HTT-AS: variants seen among roughly 807,000 people sequenced by gnomAD.
The protein encoded by HTT-AS is HTT antisense RNA (head to head).
At chr4:3,061,845 G>A (rs1166127011) in intron 2 of HTT-AS, among the ~76,000 whole-genome samples, 1 of 151,660 alleles carries the variant, frequency 6.6e-6, no homozygotes, top group Non-Finnish European at 1.5e-5. Context: ...AGCTGGGTGT[G>A]GTGGCGAGCA....
exon 2 of HTT-AS, among the ~76,000 whole-genome samples, chr4:3,062,857 C>T (rs956574001): frequency 2.0e-5 from 3 of 152,042 alleles, no homozygotes; most frequent in African/African-American, 4.8e-5. Flanking sequence ...AGCAGCATTG[C>T]AAGCCATGGT....
chr4:3,051,143 G>A (rs897470709), intron 2 of HTT-AS, among the ~76,000 whole-genome samples: 2 of 150,468 alleles, frequency 1.3e-5, no homozygotes, highest in African/African-American at 4.9e-5. Context: ...CTCGGCTACC[G>A]CAACCTCTGC....
chr4:3,047,433 A>G (rs1300558669), downstream of HTT-AS, among the ~76,000 whole-genome samples: 1 of 152,254 alleles, frequency 6.6e-6, no homozygotes, highest in African/African-American at 2.4e-5. Flanking sequence ...CTCTATTCCA[A>G]TATTATAATA....
At chr4:3,047,189 T>C (rs1281037201), downstream of HTT-AS, among the ~76,000 whole-genome samples, 2 of 152,084 alleles carry the variant, frequency 1.3e-5, no homozygotes, top group South Asian at 4.1e-4. Context: ...CGTGCACCTG[T>C]AGTCCCAGCT....
At chr4:3,061,390 G>T (rs1487270307) in intron 2 of HTT-AS, among the ~76,000 whole-genome samples, 4 of 152,182 alleles carry the variant, frequency 2.6e-5, no homozygotes, top group Admixed American at 2.6e-4. Flanking sequence ...ATCAGAATAT[G>T]CGTCTATTGA....
downstream of HTT-AS, among the ~76,000 whole-genome samples, chr4:3,047,497 G>C (rs574784207): frequency 6.6e-6 from 1 of 152,312 alleles, no homozygotes; most frequent in East Asian, 1.9e-4. Context: ...AGAGATAGGA[G>C]CTGAAGGGAC....
chr4:3,057,936 T>A (rs1711841065), intron 2 of HTT-AS, among the ~76,000 whole-genome samples: 1 of 151,888 alleles, frequency 6.6e-6, no homozygotes, highest in Non-Finnish European at 1.5e-5. Flanking sequence ...TATTTCTTGA[T>A]TATATGCTAA....
chr4:3,064,096 G>GTTTT (rs368155721), intron 1 of HTT-AS, among the ~76,000 whole-genome samples: 33 of 136,028 alleles, frequency 2.4e-4, no homozygotes, highest in Middle Eastern at 3.9e-3. Flanking sequence ...AAATAATAAA[G>GTTTT]TTTTTTTTTT....
intron 1 of HTT-AS, among the ~76,000 whole-genome samples, chr4:3,064,567 G>A (rs997067567): frequency 6.6e-6 from 1 of 152,182 alleles, no homozygotes; most frequent in East Asian, 1.9e-4. Context: ...AAACTTGGAT[G>A]AAATGCATTT....
intron 2 of HTT-AS, among the ~76,000 whole-genome samples, chr4:3,050,351 T>C (rs1711680053): frequency 1.3e-5 from 2 of 152,200 alleles, no homozygotes; most frequent in Admixed American, 1.3e-4. Context: ...TGGCAAACTC[T>C]TTTCTTGGTA....
chr4:3,070,641 T>C (rs544944053), intron 1 of HTT-AS, among the ~76,000 whole-genome samples: 5 of 152,322 alleles, frequency 3.3e-5, no homozygotes, highest in Admixed American at 3.3e-4. Context: ...GGGGACGTTA[T>C]CAGGCTCTAC....
chr4:3,058,917 C>T (rs1194768636), intron 2 of HTT-AS, among the ~76,000 whole-genome samples: 1 of 151,888 alleles, frequency 6.6e-6, no homozygotes, highest in Non-Finnish European at 1.5e-5. Context: ...ATGGGGTTTC[C>T]CCATGTTGCC....
chr4:3,064,943 A>G (rs1158601057), intron 1 of HTT-AS, among the ~76,000 whole-genome samples: 1 of 152,252 alleles, frequency 6.6e-6, no homozygotes. Flanking sequence ...ACATCATAAC[A>G]TAGTGGGGTT....
intron 2 of HTT-AS, among the ~76,000 whole-genome samples, chr4:3,060,983 G>A (rs1255865266): frequency 6.6e-6 from 1 of 152,138 alleles, no homozygotes; most frequent in Non-Finnish European, 1.5e-5. Flanking sequence ...GACCCACTGG[G>A]GCACCCCTCT....
chr4:3,060,760 T>G (rs939547454), intron 2 of HTT-AS, among the ~76,000 whole-genome samples: 2 of 152,212 alleles, frequency 1.3e-5, no homozygotes, highest in African/African-American at 4.8e-5. Context: ...TCCCTTTCCT[T>G]GTCAACCATG....
At chr4:3,052,808 G>T (rs1013583833) in intron 2 of HTT-AS, among the ~76,000 whole-genome samples, 3 of 152,158 alleles carry the variant, frequency 2.0e-5, no homozygotes, top group Admixed American at 6.5e-5. Context: ...GGGCAACATG[G>T]TGAAACCCCA....
chr4:3,071,581 G>C (rs1387660411), intron 1 of HTT-AS, among the ~76,000 whole-genome samples: 2 of 152,188 alleles, frequency 1.3e-5, no homozygotes, highest in African/African-American at 4.8e-5. Flanking sequence ...AAGAAGGTCA[G>C]AGCGGCTGCT....
At chr4:3,049,447 T>A (rs1711661199) in exon 3 of HTT-AS, among the ~76,000 whole-genome samples, 1 of 149,798 alleles carries the variant, frequency 6.7e-6, no homozygotes, top group Non-Finnish European at 1.5e-5. Context: ...AAAAAGAGAG[T>A]CTCATGACAG....
chr4:3,065,704 C>G (rs915797698), intron 1 of HTT-AS, among the ~76,000 whole-genome samples: 1 of 152,226 alleles, frequency 6.6e-6, no homozygotes, highest in African/African-American at 2.4e-5. Flanking sequence ...CTACAATTGG[C>G]AAAATCACAC....
Sources: gnomAD v4.1 joint callset for allele counts (sites outside exome capture counted in the v4.1 genomes callset) on GRCh38, gnomAD v4.1.1 for gene constraint, MANE v1.5 for transcripts, NCBI Gene and HGNC (gene_info 2026-07-23, HGNC 2026-07-21) for gene names.